PNMA8B: variants seen among roughly 807,000 people sequenced by gnomAD.
PNMA8B encodes the protein paraneoplastic antigen-like protein 8B.
For synonymous variants in PNMA8B, 386 were observed against 394.9 expected (o/e 0.98, Z 0.27); for missense variants, 887 against 885.8 (o/e 1.00, Z -0.02).
chr19:46,493,424 C>G lies in PNMA8B; in HGVS notation c.*134G>C. The G allele has an allele frequency of 1.8e-6, 1 of 551,914 alleles. No homozygotes were observed. Among genetic ancestry groups the G allele is most frequent in the East Asian group, 3.6e-5 (1 of 27,890 alleles). The allele number at this position is 551,914 out of a possible 1,614,324, so 34.2% of individuals were successfully genotyped here. A position where few individuals can be genotyped will look rare whatever the true frequency, so the allele number is the denominator to read the frequency against. On this transcript the variant is annotated 3_prime_UTR_variant, in exon 1 of 1. Coordinates refer to ENST00000599531, the MANE Select transcript of PNMA8B (RefSeq NM_020709.3). This position sits in a 1 kb window ranked among gnomAD's most constrained non-coding sequence, Gnocchi z 5.3. Reference sequence around the variant, plus strand: ...AGGGGAACGTGACGCTGGCAAAACGCGGCCCGGGCGCGCTGTGAAGCGAGG... The same window carrying G: ...AGGGGAACGTGACGCTGGCAAAACGGGGCCCGGGCGCGCTGTGAAGCGAGG...
rs1402627824 is a variant in PNMA8B at position 46,492,182 on chromosome 19, G to A, written c.*1376C>T. On this transcript the variant is annotated 3_prime_UTR_variant, in exon 1 of 1. Transcript: ENST00000599531. Reference sequence around the variant, plus strand: ...TCCTTCCCAGGGACAAGTGGGGCAGGGCCCCCTGGCACGATGGGCTCCTCA... The same window carrying A: ...TCCTTCCCAGGGACAAGTGGGGCAGAGCCCCCTGGCACGATGGGCTCCTCA... 2 of 423,798 alleles carry A rather than the reference G, an allele frequency of 4.7e-6. No individual in the cohort carries two copies. The highest frequency in any genetic ancestry group is 9.6e-6 in the Non-Finnish European group (2 of 208,452). 26.3% of individuals were successfully genotyped at this position (423,798 alleles called of 1,614,324 possible).
Position 46,493,987 on chromosome 19 carries a change from G to A in PNMA8B, c.1479C>T (p.Ala493=). The part of the protein sequence containing the change: ...KLGEVLALLA[A]RENMGSNEGS... ...CCTCGTTGGACCCCATGTTCTCCCG[G>A]GCGGCCAGGAGCGCCAATACCTCCC... Residue 493 remains alanine (A), a synonymous_variant, in exon 1 of 1, where the codon GCC becomes GCT. Coordinates refer to ENST00000599531, the MANE Select transcript of PNMA8B (RefSeq NM_020709.3). The surrounding 1 kb of genome is among the most constrained non-coding windows in gnomAD (Gnocchi z 5.3). 6.2e-7 allele frequency: 1 copy of A among 1,613,720 alleles called. No homozygotes were observed. Among genetic ancestry groups the A allele is most frequent in the Non-Finnish European group, 8.5e-7 (1 of 1,179,872 alleles).
rs1970081668 is a variant in PNMA8B at position 46,495,448 on chromosome 19, CA to C, written c.17del (p.Leu6CysfsTer49). The C allele has an allele frequency of 1.3e-6, 2 of 1,596,382 alleles. No individual in the cohort carries two copies. The highest frequency in any genetic ancestry group is 1.3e-5 in the African/African-American group (1 of 74,624). On this transcript the variant is annotated frameshift_variant, in exon 1 of 1. Coordinates refer to ENST00000599531, the MANE Select transcript of PNMA8B (RefSeq NM_020709.3). LOFTEE classifies it low-confidence loss of function (END_TRUNC). ...CGTCCAGGCTCCGGCACCAGTCCTG[CA>C]AAAGGCTCATGGCCATGGTGCAGCC... MAMSL[L>X]QDWCRSLDVD...
At position 46,493,421 on chromosome 19, in the gene PNMA8B, A is replaced by C. The variant is rs1348386191; in HGVS notation, c.*137T>G. On this transcript the variant is annotated 3_prime_UTR_variant, in exon 1 of 1. Transcript: ENST00000599531. The surrounding 1 kb of genome is among the most constrained non-coding windows in gnomAD (Gnocchi z 5.3). ...GAGAGGGGAACGTGACGCTGGCAAA[A>C]CGCGGCCCGGGCGCGCTGTGAAGCG... 3 of 528,006 alleles carry C rather than the reference A, an allele frequency of 5.7e-6. No individual in the cohort carries two copies. The highest frequency in any genetic ancestry group is 9.1e-5 in the Admixed American group (2 of 22,078). 32.7% of individuals were successfully genotyped at this position (528,006 alleles called of 1,614,324 possible). A position where few individuals can be genotyped will look rare whatever the true frequency, so the allele number is the denominator to read the frequency against.
chr19:46,492,205 T>C lies in PNMA8B; in HGVS notation c.*1353A>G. On this transcript the variant is annotated 3_prime_UTR_variant, in exon 1 of 1. Transcript: ENST00000599531. ...AGGGCCCCCTGGCACGATGGGCTCCTCACTGCCAGGGAATGGAAATTGGGA... is the reference window on the plus strand; with the variant it reads ...AGGGCCCCCTGGCACGATGGGCTCCCCACTGCCAGGGAATGGAAATTGGGA... 2.5e-6 allele frequency: 1 copy of C among 395,798 alleles called. No homozygotes were observed. Among genetic ancestry groups the C allele is most frequent in the East Asian group, 8.0e-5 (1 of 12,438 alleles). 24.5% of individuals were successfully genotyped at this position (395,798 alleles called of 1,614,324 possible). A position where few individuals can be genotyped will look rare whatever the true frequency, so the allele number is the denominator to read the frequency against.
At position 46,492,117 on chromosome 19, in the gene PNMA8B, G is replaced by A. The variant is rs1447865235; in HGVS notation, c.*1441C>T. 2.3e-6 allele frequency: 1 copy of A among 432,568 alleles called. No individual in the cohort carries two copies. The highest frequency in any genetic ancestry group is 7.7e-5 in the East Asian group (1 of 13,042). The allele number at this position is 432,568 out of a possible 1,614,324, so 26.8% of individuals were successfully genotyped here. Reference sequence around the variant, plus strand: ...GTGTCCCTGACATAGGACTGGGACAGTCTGGTCTGGACTGTGAGGTCACAC... The same window carrying A: ...GTGTCCCTGACATAGGACTGGGACAATCTGGTCTGGACTGTGAGGTCACAC... On this transcript the variant is annotated 3_prime_UTR_variant, in exon 1 of 1. Transcript: ENST00000599531.
In PNMA8B at chr19:46,494,031, A is replaced by G; in HGVS notation, c.1435T>C (p.Tyr479His). 6.2e-7 allele frequency: 1 copy of G among 1,613,270 alleles called. No homozygotes were observed. Among genetic ancestry groups the G allele is most frequent in the Non-Finnish European group, 8.5e-7 (1 of 1,179,740 alleles). The change falls in exon 1 of 1, where the codon TAC (tyrosine) becomes CAC (histidine). Residue 479 changes from tyrosine (Y) to histidine (H), a missense_variant. Physicochemically the swap from Tyr to His is moderately conservative, Grantham distance 83 (BLOSUM62 2). Coordinates refer to ENST00000599531, the MANE Select transcript of PNMA8B (RefSeq NM_020709.3). ...ENAWEGGKYK[Y>H]PKGKLGEVLA... Reference sequence around the variant, plus strand: ...ACCTCCCCCAGTTTGCCTTTGGGGTATTTGTACTTCCCGCCTTCCCAGGCG... The same window carrying G: ...ACCTCCCCCAGTTTGCCTTTGGGGTGTTTGTACTTCCCGCCTTCCCAGGCG...
chr19:46,495,793 G>C lies in PNMA8B; in HGVS notation c.-328C>G, dbSNP rs1326125238. The C allele has an allele frequency of 2.2e-5, 6 of 266,684 alleles. No individual in the cohort carries two copies. The highest frequency in any genetic ancestry group is 2.7e-4 in the South Asian group (2 of 7,414). 16.5% of individuals were successfully genotyped at this position (266,684 alleles called of 1,614,324 possible). A position where few individuals can be genotyped will look rare whatever the true frequency, so the allele number is the denominator to read the frequency against. ...GACTCGGCACCGCAGCCAGGTGCAG[G>C]GGGGCGGCGCCGAGTGCACCTGGAG... On this transcript the variant is annotated 5_prime_UTR_variant, in exon 1 of 1. Transcript: ENST00000599531.
In PNMA8B at chr19:46,493,765, T is replaced by TCGGCCG. The variant is rs1970043273; in HGVS notation, c.1700_1701insCGGCCG (p.Arg569_Gly570dup). 8 of 1,008,760 alleles carry TCGGCCG rather than the reference T, an allele frequency of 7.9e-6. No homozygotes were observed. The highest frequency in any genetic ancestry group is 9.0e-6 in the Non-Finnish European group (7 of 774,516). 62.5% of individuals were successfully genotyped at this position (1,008,760 alleles called of 1,614,324 possible). A position where few individuals can be genotyped will look rare whatever the true frequency, so the allele number is the denominator to read the frequency against. On this transcript the variant is annotated inframe_insertion, in exon 1 of 1. Coordinates refer to ENST00000599531, the MANE Select transcript of PNMA8B (RefSeq NM_020709.3). The surrounding 1 kb of genome is among the most constrained non-coding windows in gnomAD (Gnocchi z 5.3). ...TCTTCTCGGGAGTGACGCCCCGGCCTCGGCCTCGGCCGCCCGCGCGGGTTT... is the reference window on the plus strand; with the variant it reads ...TCTTCTCGGGAGTGACGCCCCGGCCTCGGCCGCGGCCTCGGCCGCCCGCGCGGGTTT...
In PNMA8B at chr19:46,495,090, C is replaced by T; in HGVS notation, c.376G>A (p.Glu126Lys). 1.9e-6 allele frequency: 3 copies of T among 1,612,940 alleles called. No homozygotes were observed. The highest frequency in any genetic ancestry group is 2.5e-6 in the Non-Finnish European group (3 of 1,179,782). The change falls in exon 1 of 1, where the codon GAG (glutamate) becomes AAG (lysine). Residue 126 changes from glutamate to lysine, a missense_variant. Glu to Lys is a moderately conservative substitution (Grantham distance 56). Transcript: ENST00000599531. ...TQAAEAGTPG[E>K]APTPPASETQ... ...TCCGAAGCGGGAGGGGTGGGTGCCT[C>T]CCCGGGGGTCCCAGCCTCCGCGGCC...
chr19:46,495,093 C>T lies in PNMA8B; in HGVS notation c.373G>A (p.Gly125Arg). The T allele has an allele frequency of 1.9e-6, 3 of 1,613,076 alleles. No individual in the cohort carries two copies. The highest frequency in any genetic ancestry group is 2.2e-5 in the East Asian group (1 of 44,870). The change falls in exon 1 of 1, where the codon GGG becomes AGG. Residue 125 changes from glycine to arginine, a missense_variant. By Grantham distance (125) the Gly-to-Arg change is moderately radical. Transcript: ENST00000599531. Reference sequence around the variant, plus strand: ...GAAGCGGGAGGGGTGGGTGCCTCCCCGGGGGTCCCAGCCTCCGCGGCCTGC... The same window carrying T: ...GAAGCGGGAGGGGTGGGTGCCTCCCTGGGGGTCCCAGCCTCCGCGGCCTGC... ...PTQAAEAGTPGEAPTPPASET... is the reference protein window; with the variant it reads ...PTQAAEAGTPREAPTPPASET...
At position 46,494,174 on chromosome 19, in the gene PNMA8B, C is replaced by T. The variant is rs1396749724; in HGVS notation, c.1292G>A (p.Gly431Glu). The change falls in exon 1 of 1, where the codon GGG (glycine) becomes GAG (glutamate). Residue 431 changes from glycine to glutamate, a missense_variant. Physicochemically the swap from Gly to Glu is moderately conservative, Grantham distance 98. Transcript: ENST00000599531. ...PDLPPQAKKA[G>E]RGLFGGWSEH... ...GCTCCAGCCCCCGAAGAGGCCACGCCCAGCCTTCTTCGCCTGGGGAGGGAG... is the reference window on the plus strand; with the variant it reads ...GCTCCAGCCCCCGAAGAGGCCACGCTCAGCCTTCTTCGCCTGGGGAGGGAG... The T allele has an allele frequency of 6.2e-7, 1 of 1,610,060 alleles. No homozygotes were observed. The highest frequency in any genetic ancestry group is 8.5e-7 in the Non-Finnish European group (1 of 1,179,860).
chr19:46,495,523 C>T lies in PNMA8B; in HGVS notation c.-58G>A. On this transcript the variant is annotated 5_prime_UTR_variant, in exon 1 of 1. Coordinates refer to ENST00000599531, the MANE Select transcript of PNMA8B (RefSeq NM_020709.3). ...GCAGGGAGCCCGAGATAGGGGTGGG[C>T]TGCAGCGCACGGTGTCAATGCAACC... 6.5e-7 allele frequency: 1 copy of T among 1,530,576 alleles called. No individual in the cohort carries two copies. Among genetic ancestry groups the T allele is most frequent in the Non-Finnish European group, 8.8e-7 (1 of 1,137,802 alleles). The allele number at this position is 1,530,576 out of a possible 1,614,324, so 94.8% of individuals were successfully genotyped here.
Position 46,494,178 on chromosome 19 carries a change from C to A in PNMA8B, c.1288G>T (p.Ala430Ser), listed in dbSNP as rs779093120. The A allele has an allele frequency of 1.2e-6, 2 of 1,609,930 alleles. No homozygotes were observed. The highest frequency in any genetic ancestry group is 1.7e-6 in the Non-Finnish European group (2 of 1,179,868). The change falls in exon 1 of 1, where the codon GCT becomes TCT. Residue 430 changes from alanine to serine, a missense_variant. Ala to Ser is a moderately conservative substitution (Grantham distance 99, BLOSUM62 1). Transcript: ENST00000599531. ...CAGCCCCCGAAGAGGCCACGCCCAG[C>A]CTTCTTCGCCTGGGGAGGGAGATCC... The part of the protein sequence containing the change: ...QPDLPPQAKK[A>S]GRGLFGGWSE...
rs1970008165 is a variant in PNMA8B, at chr19:46,491,875, C to A, written c.*1683G>T. The A allele has an allele frequency of 5.9e-6, 1 of 168,384 alleles. No homozygotes were observed. Among genetic ancestry groups the A allele is most frequent in the South Asian group, 1.3e-4 (1 of 7,762 alleles). The allele number at this position is 168,384 out of a possible 1,614,324, so 10.4% of individuals were successfully genotyped here. A position where few individuals can be genotyped will look rare whatever the true frequency, so the allele number is the denominator to read the frequency against. On this transcript the variant is annotated 3_prime_UTR_variant, in exon 1 of 1. Coordinates refer to ENST00000599531, the MANE Select transcript of PNMA8B (RefSeq NM_020709.3). ...CTGAATTTCACTTTACTGGAGGATC[C>A]AGGTGACACAGGGCACAGGGAGAGA...
chr19:46,494,561 G>C lies in PNMA8B; in HGVS notation c.905C>G (p.Pro302Arg). The C allele has an allele frequency of 6.8e-6, 11 of 1,614,022 alleles. No homozygotes were observed. The highest frequency in any genetic ancestry group is 9.3e-6 in the Non-Finnish European group (11 of 1,179,882). Residue 302 changes from proline (P) to arginine (R), a missense_variant, in exon 1 of 1, where the codon CCG becomes CGG. By Grantham distance (103) the Pro-to-Arg change is moderately radical. Coordinates refer to ENST00000599531, the MANE Select transcript of PNMA8B (RefSeq NM_020709.3). ...GTCGCTGTCCACCGGCTCCTCGTCCGGGGTGTCTCTCACAGCCAGCAGGGC... is the reference window on the plus strand; with the variant it reads ...GTCGCTGTCCACCGGCTCCTCGTCCCGGGTGTCTCTCACAGCCAGCAGGGC... ...LVALLAVRDTPDEEPVDSDTS... is the reference protein window; with the variant it reads ...LVALLAVRDTRDEEPVDSDTS...
At position 46,495,655 on chromosome 19, in the gene PNMA8B, G is replaced by A; in HGVS notation, c.-190C>T. The A allele has an allele frequency of 1.5e-6, 1 of 672,758 alleles. No individual in the cohort carries two copies. The highest frequency in any genetic ancestry group is 2.5e-6 in the Non-Finnish European group (1 of 398,256). 41.7% of individuals were successfully genotyped at this position (672,758 alleles called of 1,614,324 possible). On this transcript the variant is annotated 5_prime_UTR_variant, in exon 1 of 1. Transcript: ENST00000599531. ...CTAGCTGCCTGCTGGCCGGCTGGAC[G>A]CAGTGACCTTCCCCCGGGACCCCTC... is the stretch of plus-strand genomic sequence containing the variant.
rs1970048455 is a variant in PNMA8B at position 46,493,965 on chromosome 19, C to T, written c.1501G>A (p.Glu501Lys). 6.2e-7 allele frequency: 1 copy of T among 1,613,226 alleles called. No homozygotes were observed. The highest frequency in any genetic ancestry group is 8.5e-7 in the Non-Finnish European group (1 of 1,179,768). Residue 501 changes from glutamate to lysine, a missense_variant, in exon 1 of 1, where the codon GAG (glutamate) becomes AAG (lysine). Transcript: ENST00000599531. This position sits in a 1 kb window ranked among gnomAD's most constrained non-coding sequence, Gnocchi z 5.3. Reference protein sequence around the residue: ...LAARENMGSNEGSEEASDEQS... With the variant: ...LAARENMGSNKGSEEASDEQS... ...TCGTCCGAAGCCTCCTCCGACCCCT[C>T]GTTGGACCCCATGTTCTCCCGGGCG...
At position 46,494,869 on chromosome 19, in the gene PNMA8B, G is replaced by C. The variant is rs368587168; in HGVS notation, c.597C>G (p.Asp199Glu). ...PARSEAEDSSDESLGIVIEEI... is the reference protein window; with the variant it reads ...PARSEAEDSSEESLGIVIEEI... ...CCTCGATCACGATGCCCAGGCTCTC[G>C]TCGGAAGAGTCCTCGGCCTCACTCC... The change falls in exon 1 of 1, where the codon GAC (aspartate) becomes GAG (glutamate). Residue 199 changes from aspartate (D) to glutamate (E), a missense_variant. Coordinates refer to ENST00000599531, the MANE Select transcript of PNMA8B (RefSeq NM_020709.3). 6.2e-7 allele frequency: 1 copy of C among 1,612,762 alleles called. No individual in the cohort carries two copies. The highest frequency in any genetic ancestry group is 8.5e-7 in the Non-Finnish European group (1 of 1,179,894).
Sources: allele counts gnomAD v4.1 joint callset, GRCh38; gene constraint gnomAD v4.1.1; non-coding constraint Gnocchi (gnomAD v3.1); transcripts MANE v1.5; gene names NCBI Gene and HGNC (gene_info 2026-07-23, HGNC 2026-07-21).